The following FN1 variants were observed in gnomAD, a reference collection of about 807,000 sequenced individuals.
FN1 encodes the protein fibronectin.
In FN1, 106 loss-of-function variants were observed where a neutral mutation model predicts 297.3. The ratio of observed to expected loss-of-function variants is 0.36; its 90% CI spans 0.30 to 0.42. The LOEUF (loss-of-function observed/expected upper bound fraction) is 0.42, where lower values mean the gene tolerates loss of function less well. Among genes scored for constraint, FN1 ranks in the 10% least tolerant of loss-of-function variants. The pLI, the probability that FN1 is intolerant of heterozygous loss-of-function variation, is 1.00. For missense variants in FN1, 2,690 were observed against 3,124.9 expected (o/e 0.86, Z 3.32); for synonymous variants, 1,149 against 1,152.6 (o/e 1.00, Z 0.06).
In FN1 at chr2:215,396,243, A is replaced by C. The variant is rs909394445; in HGVS notation, c.3604+894T>G. 5.9e-5 allele frequency among the ~76,000 whole-genome samples: 9 copies of C among 152,244 alleles called. No homozygotes were observed. In the East Asian group the frequency reaches 1.5e-3, roughly 26 times the overall value. ...AACAAGTATATGAGGTAAGAATGCA[A>C]TCAACATTAATTGGAACTTTTATTT... is the stretch of plus-strand genomic sequence containing the variant. On this transcript the variant is annotated intron_variant, in intron 23 of 45. Transcript: ENST00000354785.
At chr2:215,366,594 C>T (rs2054657650) in intron 42 of FN1, among the ~76,000 whole-genome samples, 1 of 152,160 alleles carries the variant, frequency 6.6e-6, no homozygotes, top group Non-Finnish European at 1.5e-5. Flanking sequence ...ACTTTTTAAC[C>T]TCCAGGGCTT....
At chr2:215,391,347 A>G (rs1278816659) in intron 26 of FN1, among the ~76,000 whole-genome samples, 1 of 152,116 alleles carries the variant, frequency 6.6e-6, no homozygotes, top group African/African-American at 2.4e-5. Flanking sequence ...ATATTCACTT[A>G]TTTTTACGTG....
At chr2:215,407,376 A>G (rs935245344) in intron 17 of FN1, 55 bp from the exon 18 acceptor site, 8 of 1,387,468 alleles carry the variant, frequency 5.8e-6, no homozygotes, top group Non-Finnish European at 7.2e-6. Flanking sequence ...ACAGAGGCTT[A>G]GAAACACCAT....
chr2:215,404,340 A>G (rs1205611169), intron 20 of FN1, 49 bp downstream of exon 20: 2 of 1,521,346 alleles, frequency 1.3e-6, no homozygotes, highest in African/African-American at 2.7e-5. Flanking sequence ...AGCATGAAGA[A>G]TAGAGAATGT....
chr2:215,432,513 C>T (rs2066707209), intron 3 of FN1, among the ~76,000 whole-genome samples: 1 of 152,258 alleles, frequency 6.6e-6, no homozygotes, highest in African/African-American at 2.4e-5. Context: ...CACTATGGAC[C>T]CTTGCCTCTT....
In FN1 at chr2:215,371,003, C is replaced by T. The variant is rs146470464; in HGVS notation, c.6715-571G>A. Among the ~76,000 whole-genome samples, 715 of 152,302 alleles carry T rather than the reference C, an allele frequency of 4.7e-3. 10 individuals carry two copies. Among genetic ancestry groups the T allele is most frequent in the African/African-American group, 0.016 (650 of 41,566 alleles). On this transcript the variant is annotated intron_variant, in intron 40 of 45. Transcript: ENST00000354785. ...TCAGTGGGCCGGGTGTAGTGGGTGGCTCATGCTTGTAGTCCCAGCACTTTG... is the reference window on the plus strand; with the variant it reads ...TCAGTGGGCCGGGTGTAGTGGGTGGTTCATGCTTGTAGTCCCAGCACTTTG...
At chr2:215,405,495 G>A (rs1459593549) in intron 19 of FN1, among the ~76,000 whole-genome samples, 1 of 152,170 alleles carries the variant, frequency 6.6e-6, no homozygotes, top group South Asian at 2.1e-4. Flanking sequence ...TGTAATCCCA[G>A]CACTTTGGGA....
chr2:215,414,902 G>A lies in FN1; in HGVS notation c.1876C>T (p.His626Tyr). Residue 626 changes from histidine (H) to tyrosine (Y), a missense_variant, in exon 13 of 46, where the codon CAC becomes TAC. Around this residue, in one of 3 missense-constraint regions of FN1, gnomAD observed 876 missense variants for 1,058.1 expected, o/e 0.83. Coordinates refer to ENST00000354785, the MANE Select transcript of FN1 (RefSeq NM_212482.4). ...TGTGGTGCATTCCACTGGATGGGGT[G>A]GGAGTTGGGCTGACTCGGAGTCTCA... The part of the protein sequence containing the change: ...ITETPSQPNS[H>Y]PIQWNAPQPS... 1 of 1,613,844 alleles carries A rather than the reference G, an allele frequency of 6.2e-7. No homozygotes were observed. The highest frequency in any genetic ancestry group is 8.5e-7 in the Non-Finnish European group (1 of 1,179,812).
chr2:215,384,268 G>A, intron 29 of FN1, 84 bp from the exon 30 acceptor site: 1 of 1,308,810 alleles, frequency 7.6e-7, no homozygotes. Flanking sequence ...CACATTTATA[G>A]CAGCATGTAA....
Position 215,373,341 on chromosome 2 carries a change from CAG to C in FN1, c.6226_6227del (p.Leu2076AspfsTer44), listed in dbSNP as rs1251346343. On this transcript the variant is annotated frameshift_variant, in exon 39 of 46. Coordinates refer to ENST00000354785, the MANE Select transcript of FN1 (RefSeq NM_212482.4). LOFTEE classifies it high-confidence loss of function. ...TCTTACCTGTCTTTTTCCTTCCAAT[CAG>C]GGGCTCGCTCTTCTGATTATTCTTC... ...ALKNNQKSEP[L>X]IGRKKTDELP... The C allele has an allele frequency of 2.5e-6, 4 of 1,613,384 alleles. No individual in the cohort carries two copies.
chr2:215,396,125 T>C (rs1232130014), intron 23 of FN1, among the ~76,000 whole-genome samples: 6 of 152,258 alleles, frequency 3.9e-5, no homozygotes, highest in Non-Finnish European at 8.8e-5. Flanking sequence ...AGATAAGAAC[T>C]ATATAATACT....
chr2:215,409,948 C>T lies in FN1; in HGVS notation c.2108G>A (p.Ser703Asn), dbSNP rs750650509. 6.2e-7 allele frequency: 1 copy of T among 1,613,660 alleles called. No individual in the cohort carries two copies. The highest frequency in any genetic ancestry group is 8.5e-7 in the Non-Finnish European group (1 of 1,179,952). Residue 703 changes from serine (S) to asparagine (N), a missense_variant, in exon 14 of 46, where the codon AGC (serine) becomes AAC (asparagine). Physicochemically the swap from Ser to Asn is conservative, Grantham distance 46. Around this residue, in one of 3 missense-constraint regions of FN1, gnomAD observed 876 missense variants for 1,058.1 expected, o/e 0.83. Coordinates refer to ENST00000354785, the MANE Select transcript of FN1 (RefSeq NM_212482.4). ...TGTGTACATACTGGTCACAGGTGTGCTGGTGCTGGTGGTGGTGAAGTCAAA... is the reference window on the plus strand; with the variant it reads ...TGTGTACATACTGGTCACAGGTGTGTTGGTGCTGGTGGTGGTGAAGTCAAA... ...TRFDFTTTST[S>N]TPVTSNTVTG...
At chr2:215,399,613 T>G (rs916296266) in intron 20 of FN1, among the ~76,000 whole-genome samples, 1 of 152,170 alleles carries the variant, frequency 6.6e-6, no homozygotes, top group Non-Finnish European at 1.5e-5. Flanking sequence ...TTTGCATTTC[T>G]GACAAACACA....
intron 43 of FN1, 70 bp downstream of exon 43, chr2:215,365,435 G>C (rs2054336285): frequency 6.7e-7 from 1 of 1,499,322 alleles, no homozygotes. Context: ...TTCTGTGAAT[G>C]AGAGTTACAG....
chr2:215,376,419 A>C, intron 36 of FN1, 79 bp downstream of exon 36: 3 of 1,256,740 alleles, frequency 2.4e-6, no homozygotes, highest in Non-Finnish European at 3.5e-6. Context: ...TATCAGTGTC[A>C]GTCGTAGAAC....
intron 42 of FN1, among the ~76,000 whole-genome samples, chr2:215,367,398 C>T (rs1250214): frequency 0.71 from 107,893 of 152,054 alleles, 38,699 homozygotes; most frequent in East Asian, 1. Context: ...ATGTGTGTGA[C>T]GCAAAAGTGT....
intron 29 of FN1, 117 bp downstream of exon 29, chr2:215,384,743 C>T: frequency 1.3e-6 from 1 of 762,438 alleles, no homozygotes; most frequent in Non-Finnish European, 2.3e-6. Flanking sequence ...AAAACAAGGG[C>T]TCCGTTGAAT....
intron 13 of FN1, among the ~76,000 whole-genome samples, chr2:215,412,569 T>C (rs946594670): frequency 6.6e-6 from 1 of 152,150 alleles, no homozygotes; most frequent in African/African-American, 2.4e-5. Flanking sequence ...CCCAAGTAGC[T>C]GGGACTACAG....
intron 40 of FN1, among the ~76,000 whole-genome samples, chr2:215,370,808 G>A (rs1332656133): frequency 6.6e-6 from 1 of 152,164 alleles, no homozygotes; most frequent in African/African-American, 2.4e-5. Context: ...CGCTATATGG[G>A]AGACACGGTC....
Sources: allele counts gnomAD v4.1 joint callset (sites outside exome capture counted in the v4.1 genomes callset), GRCh38; gene constraint gnomAD v4.1.1; regional missense constraint gnomAD v4.1.1; transcripts MANE v1.5; gene names NCBI Gene and HGNC (gene_info 2026-07-23, HGNC 2026-07-21).